The following TTN variants were observed in gnomAD, a reference collection of about 807,000 sequenced individuals.
TTN encodes titin.
In TTN, 1,525 loss-of-function variants were observed where a neutral mutation model predicts 3,223.0. The ratio of observed to expected loss-of-function variants is 0.47; its 90% confidence interval spans 0.45 to 0.49. The LOEUF (loss-of-function observed/expected upper bound fraction) is 0.49. Ranked by LOEUF, TTN falls within the 20% of genes least tolerant of loss-of-function variation. The probability of loss-of-function intolerance (pLI) is 0.00; values close to 1 mark genes in which losing one functional copy is unlikely to be tolerated. For missense variants in TTN, 40,786 were observed against 43,424.0 expected, an observed-to-expected ratio of 0.94 and a Z score of 5.40; for synonymous variants, 14,094 against 15,161.0, an observed-to-expected ratio of 0.93 and a Z score of 5.17.
In TTN at chr2:178,539,703, T is replaced by TGTA; in HGVS notation, c.98359_98361dup (p.Tyr32787dup). ...GGACTTCCTATCACCCTGACCTTGA[T>TGTA]GTAGACAGCCTTCTTGCCACATTTA... On this transcript the variant is annotated inframe_insertion, in exon 352 of 363. Coordinates refer to ENST00000589042, the MANE Select transcript of TTN (RefSeq NM_001267550.2). 2 of 1,613,812 alleles carry TGTA rather than the reference T, an allele frequency of 1.2e-6. No homozygotes were observed. Among genetic ancestry groups the TGTA allele is most frequent in the Non-Finnish European group, 1.7e-6 (2 of 1,179,796 alleles).
At chr2:178,685,396 A>G in intron 128 of TTN, 66 bp from the exon 129 acceptor site, 1 of 1,483,374 alleles carries the variant, frequency 6.7e-7, no homozygotes, top group Non-Finnish European at 9.1e-7. Context: ...AGTGTAAGGG[A>G]TCTTTTTATT....
chr2:178,751,035 G>C (rs745708823), intron 47 of TTN: 2 of 1,612,506 alleles, frequency 1.2e-6, no homozygotes, highest in Non-Finnish European at 8.5e-7. Context: ...CTTGTGGGAA[G>C]TTCCTCAGAT....
rs373915613 is a variant in TTN at position 178,652,642 on chromosome 2, A to G, written c.39043+11T>C. On this transcript the variant is annotated intron_variant, in intron 201 of 362. Transcript: ENST00000589042. ...ATAGATCTTCTGACGCTTAAACTCA[A>G]TGACAAATACCTTTAACAGGTGGGA... 4.3e-6 allele frequency: 7 copies of G among 1,611,514 alleles called. No homozygotes were observed. In the Admixed American group the frequency reaches 6.7e-5, roughly 15 times the overall value.
In TTN at chr2:178,710,791, C is replaced by G; in HGVS notation, c.28306G>C (p.Glu9436Gln). ...IKVSWAKDSR[E>Q]IRSGGKYQIS... ...TGGTACTTTCCGCCACTTCGTATTT[C>G]TCTGCTGTCTTTGGCCCAGCTGACC... is the stretch of plus-strand genomic sequence containing the variant. The change falls in exon 98 of 363, where the codon GAA becomes CAA. Residue 9436 changes from glutamate (E) to glutamine (Q), a missense_variant. Coordinates refer to ENST00000589042, the MANE Select transcript of TTN (RefSeq NM_001267550.2). 1 of 1,613,942 alleles carries G rather than the reference C, an allele frequency of 6.2e-7. No individual in the cohort carries two copies. The highest frequency in any genetic ancestry group is 8.5e-7 in the Non-Finnish European group (1 of 1,179,842).
rs200311184 is a variant in TTN at position 178,595,573 on chromosome 2, C to T, written c.57781G>A (p.Glu19261Lys). ...GKAYFFRIAA[E>K]NSIGMGPFVE... ...AATGGACCCATGCCAATACTATTTT[C>T]AGCCGCAATTCGGAAAAAGTAGGCT... is the stretch of plus-strand genomic sequence containing the variant. The change falls in exon 295 of 363, where the codon GAA (glutamate) becomes AAA (lysine). Residue 19261 changes from glutamate (E) to lysine (K), a missense_variant. Physicochemically the swap from Glu to Lys is moderately conservative, Grantham distance 56. Coordinates refer to ENST00000589042, the MANE Select transcript of TTN (RefSeq NM_001267550.2). The T allele has an allele frequency of 6.3e-7, 1 of 1,576,980 alleles. No individual in the cohort carries two copies. The highest frequency in any genetic ancestry group is 8.6e-7 in the Non-Finnish European group (1 of 1,159,686).
chr2:178,550,720 A>G, intron 336 of TTN: 1 of 507,258 alleles, frequency 2.0e-6, no homozygotes. Context: ...CGAAAATTAC[A>G]AAGCTAAAAA....
intron 159 of TTN, among the ~76,000 whole-genome samples, chr2:178,668,984 A>G (rs1157316405): frequency 6.6e-6 from 1 of 151,356 alleles, no homozygotes; most frequent in Non-Finnish European, 1.5e-5. Flanking sequence ...GGTTATCAAG[A>G]GTAAAAAAAA....
rs2053384543 is a variant in TTN, at chr2:178,601,293, A to G, written c.55704T>C (p.Ile18568=). The change falls in exon 287 of 363, where the codon ATT becomes ATC. Residue 18568 remains isoleucine, a synonymous_variant. Transcript: ENST00000589042. ...TCGGATCTCTGGCAGTGGTCCTCTG[A>G]ATGGTTTCCACAGGTGGGCCAATAC... ...RFGIGPPVET[I]QRTTARDPIY... 1 of 1,579,730 alleles carries G rather than the reference A, an allele frequency of 6.3e-7. No homozygotes were observed. Among genetic ancestry groups the G allele is most frequent in the Admixed American group, 1.8e-5 (1 of 54,698 alleles).
chr2:178,564,946 C>T lies in TTN; in HGVS notation c.81186G>A (p.Lys27062=). 2.5e-6 allele frequency: 4 copies of T among 1,612,334 alleles called. No individual in the cohort carries two copies. Among genetic ancestry groups the T allele is most frequent in the East Asian group, 2.2e-5 (1 of 44,834 alleles). ...TAAATGGATATTGTACAATAACTGC[C>T]TTAGAATCCAGTGGGGCACTTTTTC... is the stretch of plus-strand genomic sequence containing the variant. The part of the protein sequence containing the change: ...RYGKSAPLDS[K]AVIVQYPFKE... The change falls in exon 326 of 363, where the codon AAG becomes AAA. Residue 27062 remains lysine, a synonymous_variant. Transcript: ENST00000589042.
chr2:178,616,338 A>G, intron 257 of TTN, 141 bp downstream of exon 257: 2 of 1,116,792 alleles, frequency 1.8e-6, no homozygotes, highest in South Asian at 1.5e-5. Context: ...GCACCGATGC[A>G]TTCTTAAAAA....
intron 68 of TTN, 34 bp downstream of exon 68, chr2:178,727,551 C>A: frequency 1.3e-6 from 2 of 1,530,282 alleles, no homozygotes; most frequent in South Asian, 2.7e-5. Context: ...AAGACACAGT[C>A]AGACAGAAAC....
rs767025609 is a variant in TTN at position 178,709,576 on chromosome 2, G to A, written c.28743C>T (p.Ile9581=). 1.9e-6 allele frequency: 3 copies of A among 1,605,010 alleles called. No homozygotes were observed. Among genetic ancestry groups the A allele is most frequent in the African/African-American group, 1.3e-5 (1 of 74,762 alleles). Residue 9581 remains isoleucine (I), a synonymous_variant, in exon 99 of 363, where the codon ATC becomes ATT. Transcript: ENST00000589042. The stretch of plus-strand genomic sequence containing the variant: ...GTGAGGATAACTCACCTTTGATGAC[G>A]ATTGAAGACGTGCACAGAGCAGAGC... The part of the protein sequence containing the change: ...DAGSALCTSS[I]VIKEPKKPPV...
Position 178,611,944 on chromosome 2 carries a change from C to T in TTN, c.50365G>A (p.Glu16789Lys), listed in dbSNP as rs762522321. Residue 16789 changes from glutamate (E) to lysine (K), a missense_variant, in exon 268 of 363, where the codon GAG becomes AAG. Coordinates refer to ENST00000589042, the MANE Select transcript of TTN (RefSeq NM_001267550.2). Reference sequence around the variant, plus strand: ...CGGGTACCTAACCTTTCTTTCTTCTCAATGACATATCTATTGAAACAACAA... The same window carrying T: ...CGGGTACCTAACCTTTCTTTCTTCTTAATGACATATCTATTGAAACAACAA... ...GGRPIQRYVIEKKERLGTRWV... is the reference protein window; with the variant it reads ...GGRPIQRYVIKKKERLGTRWV... 3 of 1,611,296 alleles carry T rather than the reference C, an allele frequency of 1.9e-6. No individual in the cohort carries two copies. The highest frequency in any genetic ancestry group is 2.5e-6 in the Non-Finnish European group (3 of 1,178,978).
At position 178,575,697 on chromosome 2, in the gene TTN, G is replaced by A. The variant is rs760509116; in HGVS notation, c.70435C>T (p.Arg23479Trp). 3.1e-5 allele frequency: 50 copies of A among 1,613,508 alleles called. No individual in the cohort carries two copies. In the Admixed American group the frequency reaches 3.2e-4, roughly 10 times the overall value. Reference sequence around the variant, plus strand: ...GTGGTGGCTGTGGAATAAGATTTCCGTGTTGCTTCACGTTTCTCTACAATG... The same window carrying A: ...GTGGTGGCTGTGGAATAAGATTTCCATGTTGCTTCACGTTTCTCTACAATG... Reference protein sequence around the residue: ...NYIVEKREATRKSYSTATTKC... With the variant: ...NYIVEKREATWKSYSTATTKC... Residue 23479 changes from arginine to tryptophan, a missense_variant, in exon 326 of 363, where the codon CGG becomes TGG. Physicochemically the swap from Arg to Trp is moderately radical, Grantham distance 101 (BLOSUM62 -3). Transcript: ENST00000589042. This position sits in a 1 kb window ranked among gnomAD's most constrained non-coding sequence, Gnocchi z 4.0.
rs727505045 is a variant in TTN at position 178,720,391 on chromosome 2, A to G, written c.23371T>C (p.Phe7791Leu). 2 of 1,611,254 alleles carry G rather than the reference A, an allele frequency of 1.2e-6. No individual in the cohort carries two copies. Among genetic ancestry groups the G allele is most frequent in the East Asian group, 2.2e-5 (1 of 44,858 alleles). The stretch of plus-strand genomic sequence containing the variant: ...TGTGTCCATGTATACAAACCTTTGA[A>G]CTTGACAGAGCAAGAACACGTGTCA... Reference protein sequence around the residue: ...GSDTCSCSVKFKEPPRFVKKL... With the variant: ...GSDTCSCSVKLKEPPRFVKKL... Residue 7791 changes from phenylalanine to leucine, a missense_variant, in exon 80 of 363, where the codon TTC (phenylalanine) becomes CTC (leucine). Coordinates refer to ENST00000589042, the MANE Select transcript of TTN (RefSeq NM_001267550.2).
chr2:178,728,378 T>A lies in TTN; in HGVS notation c.19446A>T (p.Ser6482=). The change falls in exon 67 of 363, where the codon TCA becomes TCT. Residue 6482 remains serine (S), a synonymous_variant. Coordinates refer to ENST00000589042, the MANE Select transcript of TTN (RefSeq NM_001267550.2). The part of the protein sequence containing the change: ...LRVLDQNIPP[S]FTKKLTKMDK... ...CCATTTTGGTTAATTTTTTGGTGAA[T>A]GATGGAGGAATATTTTGATCTGTCC... 1 of 1,601,250 alleles carries A rather than the reference T, an allele frequency of 6.2e-7. No individual in the cohort carries two copies. The highest frequency in any genetic ancestry group is 8.5e-7 in the Non-Finnish European group (1 of 1,174,490).
In TTN at chr2:178,552,862, A is replaced by G. The variant is rs369899112; in HGVS notation, c.90038T>C (p.Ile30013Thr). The change falls in exon 335 of 363, where the codon ATT becomes ACT. Residue 30013 changes from isoleucine (I) to threonine (T), a missense_variant. Ile to Thr is a moderately conservative substitution (Grantham distance 89). Coordinates refer to ENST00000589042, the MANE Select transcript of TTN (RefSeq NM_001267550.2). ...FFFRVLAENE[I>T]GIGEPCETTE... is the part of the protein sequence containing the mutation. ...AGTTTCACAGGGTTCCCCAATTCCAATTTCATTTTCTGCAAGAACTCTGAA... is the reference window on the plus strand; with the variant it reads ...AGTTTCACAGGGTTCCCCAATTCCAGTTTCATTTTCTGCAAGAACTCTGAA... 6.2e-7 allele frequency: 1 copy of G among 1,613,724 alleles called. No homozygotes were observed. The highest frequency in any genetic ancestry group is 1.1e-5 in the South Asian group (1 of 91,076).
At position 178,599,090 on chromosome 2, in the gene TTN, G is replaced by T. The variant is rs770528847; in HGVS notation, c.56648-28C>A. 2.2e-5 allele frequency: 33 copies of T among 1,508,938 alleles called. No homozygotes were observed. In the South Asian group the frequency reaches 3.0e-4, roughly 14 times the overall value. The allele number at this position is 1,508,938 out of a possible 1,614,324, so 93.5% of individuals were successfully genotyped here. On this transcript the variant is annotated intron_variant, in intron 290 of 362. Coordinates refer to ENST00000589042, the MANE Select transcript of TTN (RefSeq NM_001267550.2). ...GTGAAAAAGATCATATTGATTATAA[G>T]AAATTTAAAAAAAAAGTAAAAATGG...
In TTN at chr2:178,563,684, T is replaced by G; in HGVS notation, c.82448A>C (p.Lys27483Thr). The change falls in exon 326 of 363, where the codon AAA (lysine) becomes ACA (threonine). Residue 27483 changes from lysine to threonine, a missense_variant. Lys to Thr is a moderately conservative substitution (Grantham distance 78, BLOSUM62 -1). Transcript: ENST00000589042. This position sits in a 1 kb window ranked among gnomAD's most constrained non-coding sequence, Gnocchi z 4.5. ...PSTPEVSAITKDSMVVTWARP... is the reference protein window; with the variant it reads ...PSTPEVSAITTDSMVVTWARP... ...TGCCCATGTTACTACCATAGAATCT[T>G]TGGTGATTGCTGAGACTTCAGGTGT... is the stretch of plus-strand genomic sequence containing the variant. 3 of 1,613,720 alleles carry G rather than the reference T, an allele frequency of 1.9e-6. No homozygotes were observed. The Admixed American group carries it at 5.0e-5, about 27-fold the overall frequency.
Sources: gnomAD v4.1 joint callset for allele counts (sites outside exome capture counted in the v4.1 genomes callset) on GRCh38, gnomAD v4.1.1 for gene constraint, Gnocchi (gnomAD v3.1) non-coding constraint, MANE v1.5 for transcripts, NCBI Gene and HGNC (gene_info 2026-07-23, HGNC 2026-07-21) for gene names.